Variants in MYRIP observed in about 807,000 individuals in gnomAD.
MYRIP encodes rab effector MyRIP.
Under a neutral mutation model 98.0 loss-of-function variants are expected in MYRIP, and 49 were observed. The observed-to-expected ratio is 0.50, with a 90% confidence interval of 0.40 to 0.63. MYRIP has a LOEUF of 0.63. MYRIP is among the 30% of genes least tolerant of loss of function. The probability of loss-of-function intolerance (pLI) is 0.00; values close to 1 mark genes in which losing one functional copy is unlikely to be tolerated. For synonymous variants in MYRIP, 404 were observed against 409.5 expected (o/e 0.99, Z 0.16); for missense variants, 1,004 against 1,058.2 (o/e 0.95, Z 0.71).
At chr3:40,062,558 A>G (rs1204253177) in intron 3 of MYRIP, among the ~76,000 whole-genome samples, 1 of 152,190 alleles carries the variant, frequency 6.6e-6, no homozygotes, top group Non-Finnish European at 1.5e-5. Flanking sequence ...GTGTAGGAGG[A>G]CCCATACAAA....
intron 16 of MYRIP, among the ~76,000 whole-genome samples, chr3:40,257,827 A>G (rs1049385462): frequency 6.6e-6 from 1 of 152,244 alleles, no homozygotes; most frequent in African/African-American, 2.4e-5. Context: ...TAAAAGATTT[A>G]GAAACTAGTA....
At chr3:40,077,169 C>T (rs895341142) in intron 3 of MYRIP, among the ~76,000 whole-genome samples, 2 of 152,000 alleles carry the variant, frequency 1.3e-5, no homozygotes, top group Non-Finnish European at 1.5e-5. Context: ...TGCAGACCTT[C>T]GCGGTGAGTG....
At chr3:39,826,133 TG>T (rs1303080001) in intron 1 of MYRIP, among the ~76,000 whole-genome samples, 1 of 151,996 alleles carries the variant, frequency 6.6e-6, no homozygotes, top group African/African-American at 2.4e-5. Flanking sequence ...AACAATTTTT[TG>T]TTATCTATTG....
intron 2 of MYRIP, among the ~76,000 whole-genome samples, chr3:39,918,887 G>A (rs1944236663): frequency 6.6e-6 from 1 of 152,152 alleles, no homozygotes; most frequent in Non-Finnish European, 1.5e-5. Context: ...CCCTCAGGGA[G>A]ACTAGATGGT....
At chr3:39,809,020 TA>T (rs1166733148), upstream of MYRIP, 1 of 152,116 alleles carries the variant, frequency 6.6e-6, no homozygotes, top group Non-Finnish European at 1.5e-5. Flanking sequence ...TGAGCGTCGT[TA>T]GCGTAGTAGT....
intron 3 of MYRIP, among the ~76,000 whole-genome samples, chr3:40,133,553 G>A (rs1949692960): frequency 6.6e-6 from 1 of 152,170 alleles, no homozygotes; most frequent in Admixed American, 6.5e-5. Flanking sequence ...TTATAAAGAA[G>A]AATGGGGGAA....
At chr3:40,158,292 G>T (rs1303416601) in intron 4 of MYRIP, among the ~76,000 whole-genome samples, 3 of 152,160 alleles carry the variant, frequency 2.0e-5, no homozygotes, top group African/African-American at 7.2e-5. Flanking sequence ...CAGTTTCCAT[G>T]TAGTTGAGCG....
chr3:40,015,973 C>T (rs1385689600), intron 2 of MYRIP, among the ~76,000 whole-genome samples: 1 of 152,078 alleles, frequency 6.6e-6, no homozygotes, highest in Non-Finnish European at 1.5e-5. Context: ...CATTTTGGTC[C>T]TCATATTGCT....
intron 11 of MYRIP, among the ~76,000 whole-genome samples, chr3:40,223,938 A>G (rs1233882891): frequency 6.6e-6 from 1 of 152,070 alleles, no homozygotes; most frequent in Admixed American, 6.6e-5. Flanking sequence ...TCTCTGACCA[A>G]GGGTCTTGAA....
intron 3 of MYRIP, among the ~76,000 whole-genome samples, chr3:40,127,956 G>C (rs1263918197): frequency 2.0e-5 from 3 of 152,156 alleles, no homozygotes; most frequent in Non-Finnish European, 4.4e-5. Context: ...TTTCTCCCAG[G>C]AGCCTTAGCT....
chr3:39,985,874 T>A (rs1255304116), intron 2 of MYRIP, among the ~76,000 whole-genome samples: 3 of 151,548 alleles, frequency 2.0e-5, no homozygotes, highest in East Asian at 1.9e-4. Context: ...AACCTAGGCA[T>A]TACCATTCAG....
intron 10 of MYRIP, among the ~76,000 whole-genome samples, chr3:40,199,230 T>G (rs910230597): frequency 5.3e-5 from 8 of 152,170 alleles, no homozygotes; most frequent in African/African-American, 1.9e-4. Context: ...CAGCAGCCCC[T>G]GCTCTAAACT....
intron 11 of MYRIP, 22 bp downstream of exon 11, chr3:40,210,115 G>A (rs1235232845): frequency 6.2e-7 from 1 of 1,610,724 alleles, no homozygotes; most frequent in Non-Finnish European, 8.5e-7. Flanking sequence ...GAAGCCACCT[G>A]CAGACAGCTC....
intron 3 of MYRIP, among the ~76,000 whole-genome samples, chr3:40,133,202 C>G (rs948436835): frequency 1.3e-5 from 2 of 152,186 alleles, no homozygotes; most frequent in East Asian, 3.8e-4. Flanking sequence ...TCTATTGAGT[C>G]AGTTGTGAAA....
chr3:39,847,295 T>C (rs1259564574), intron 1 of MYRIP, among the ~76,000 whole-genome samples: 1 of 152,196 alleles, frequency 6.6e-6, no homozygotes, highest in Non-Finnish European at 1.5e-5. Context: ...CTCTTGTGTA[T>C]CCCATAACTT....
At chr3:40,185,136 G>A (rs77496719) in intron 9 of MYRIP, among the ~76,000 whole-genome samples, 6,186 of 152,224 alleles carry the variant, frequency 0.041, 161 homozygotes, top group Middle Eastern at 0.065. Flanking sequence ...ATGCCCACTG[G>A]GCTATATTTG....
At chr3:40,243,734 CT>C (rs1376446748) in intron 12 of MYRIP, among the ~76,000 whole-genome samples, 3 of 152,154 alleles carry the variant, frequency 2.0e-5, no homozygotes, top group Admixed American at 2.0e-4. Context: ...AGGATTTCAC[CT>C]TGCTCACTTT....
chr3:39,934,814 G>A (rs1944622990), intron 2 of MYRIP, among the ~76,000 whole-genome samples: 1 of 152,216 alleles, frequency 6.6e-6, no homozygotes, highest in African/African-American at 2.4e-5. Flanking sequence ...TGTTGTTCAG[G>A]TGTGTTTGAA....
intron 11 of MYRIP, among the ~76,000 whole-genome samples, chr3:40,225,027 G>A (rs994729007): frequency 3.9e-5 from 6 of 152,166 alleles, no homozygotes; most frequent in African/African-American, 1.4e-4. Flanking sequence ...ATATTTAGAA[G>A]GACATATGGA....
Sources: allele counts gnomAD v4.1 joint callset (sites outside exome capture counted in the v4.1 genomes callset), GRCh38; gene constraint gnomAD v4.1.1; transcripts MANE v1.5; gene names NCBI Gene and HGNC (gene_info 2026-07-23, HGNC 2026-07-21).